BMPR1B: variants seen among roughly 807,000 people sequenced by gnomAD.
BMPR1B encodes the protein bone morphogenetic protein receptor type 1B, also known as bone morphogenetic protein receptor type-1B.
In BMPR1B, 12 loss-of-function variants were observed where a neutral mutation model predicts 59.1. The observed-to-expected ratio is 0.20, with a 90% CI of 0.13 to 0.33. The LOEUF is 0.33. Ranked by LOEUF, BMPR1B falls within the 10% of genes least tolerant of loss-of-function variation. The probability of loss-of-function intolerance (pLI) is 1.00; values close to 1 mark genes in which losing one functional copy is unlikely to be tolerated. For missense variants in BMPR1B, 550 were observed against 610.9 expected (o/e 0.90, Z 1.05); for synonymous variants, 237 against 207.3 (o/e 1.14, Z -1.23).
At chr4:94,834,377 T>G (rs1404871974) in intron 1 of BMPR1B, among the ~76,000 whole-genome samples, 1 of 152,228 alleles carries the variant, frequency 6.6e-6, no homozygotes, top group East Asian at 1.9e-4. Flanking sequence ...TCTCTTATAC[T>G]GTCCCATTTT....
At chr4:95,075,364 G>C (rs1208820387) in intron 3 of BMPR1B, among the ~76,000 whole-genome samples, 2 of 152,096 alleles carry the variant, frequency 1.3e-5, no homozygotes, top group Non-Finnish European at 1.5e-5. Context: ...AGTTAATAGT[G>C]AATCTATTGT....
chr4:94,881,695 A>G (rs546155012), intron 2 of BMPR1B, among the ~76,000 whole-genome samples: 45 of 151,952 alleles, frequency 3.0e-4, no homozygotes, highest in Admixed American at 2.4e-3. Flanking sequence ...CGGACTCCTG[A>G]CCTCGGTGAT....
intron 2 of BMPR1B, among the ~76,000 whole-genome samples, chr4:94,886,648 A>C (rs568191522): frequency 7.9e-5 from 12 of 152,222 alleles, no homozygotes; most frequent in Non-Finnish European, 1.5e-4. Context: ...ATATGAAATT[A>C]ATTTACCACT....
At chr4:94,763,011 T>C (rs912886448) in intron 1 of BMPR1B, among the ~76,000 whole-genome samples, 1 of 152,106 alleles carries the variant, frequency 6.6e-6, no homozygotes, top group Non-Finnish European at 1.5e-5. Flanking sequence ...ACCTCAAATA[T>C]CTCATGGGCT....
chr4:95,089,379 G>C (rs1729819869), intron 3 of BMPR1B, among the ~76,000 whole-genome samples: 1 of 151,910 alleles, frequency 6.6e-6, no homozygotes, highest in Non-Finnish European at 1.5e-5. Context: ...TAAAAGAGGA[G>C]GAAGGAAACA....
Position 95,152,209 on chromosome 4 carries a change from A to T in BMPR1B, c.1253-434A>T, listed in dbSNP as rs555111668. On this transcript the variant is annotated intron_variant, in intron 11 of 12. Transcript: ENST00000515059. ...AAATGTAAATCTGACATTTTGTTCA[A>T]GTAGGATACACTTCTGAATTTATTA... Among the ~76,000 whole-genome samples, 659 of 152,314 alleles carry T rather than the reference A, an allele frequency of 4.3e-3. 5 individuals carry two copies. The highest frequency in any genetic ancestry group is 0.015 in the African/African-American group (632 of 41,576).
intron 1 of BMPR1B, among the ~76,000 whole-genome samples, chr4:94,771,257 A>G (rs1393449092): frequency 6.6e-6 from 1 of 152,162 alleles, no homozygotes; most frequent in Non-Finnish European, 1.5e-5. Context: ...GAAGGATTTT[A>G]ATGCACAGTG....
intron 3 of BMPR1B, among the ~76,000 whole-genome samples, chr4:95,045,828 A>G (rs1202542867): frequency 1.3e-5 from 2 of 152,154 alleles, no homozygotes; most frequent in African/African-American, 2.4e-5. Flanking sequence ...TCTCACATCC[A>G]TTCAGTAGAC....
intron 2 of BMPR1B, among the ~76,000 whole-genome samples, chr4:94,949,084 A>G (rs1287010827): frequency 1.3e-5 from 2 of 152,134 alleles, no homozygotes; most frequent in African/African-American, 4.8e-5. Context: ...TCAACCCGCC[A>G]TCTACATTAG....
chr4:95,056,711 G>A (rs1726958960), intron 3 of BMPR1B, among the ~76,000 whole-genome samples: 1 of 152,172 alleles, frequency 6.6e-6, no homozygotes. Flanking sequence ...GCAAAGGTCT[G>A]ATATCAGCTG....
chr4:94,840,382 G>C (rs1480078139), intron 1 of BMPR1B, among the ~76,000 whole-genome samples: 1 of 148,078 alleles, frequency 6.8e-6, no homozygotes, highest in Non-Finnish European at 1.5e-5. Flanking sequence ...CATTCTCCGC[G>C]TCACTTTCAG....
chr4:95,059,066 T>TTGAG lies in BMPR1B; in HGVS notation c.-17-45337_-17-45334dup, dbSNP rs1445372778. ...ATTTATCCATGAAATAATGGCTGAT[T>TTGAG]TGAGTGAGGAAATGTGCACCAGCTC... On this transcript the variant is annotated intron_variant, in intron 3 of 12. Transcript: ENST00000515059. Among the ~76,000 whole-genome samples, 34 of 152,188 alleles carry TTGAG rather than the reference T, an allele frequency of 2.2e-4. 1 individual carries two copies. Among genetic ancestry groups the TTGAG allele is most frequent in the Admixed American group, 2.2e-3 (34 of 15,274 alleles).
At chr4:94,874,540 A>G (rs577336896) in intron 1 of BMPR1B, among the ~76,000 whole-genome samples, 37 of 152,186 alleles carry the variant, frequency 2.4e-4, no homozygotes, top group Non-Finnish European at 5.1e-4. Flanking sequence ...TCTAATTGTG[A>G]TTTATACATT....
intron 2 of BMPR1B, among the ~76,000 whole-genome samples, chr4:94,886,505 A>G (rs1462383951): frequency 4.6e-5 from 7 of 152,214 alleles, no homozygotes; most frequent in African/African-American, 1.7e-4. Context: ...ATATTATGCT[A>G]CAAAATTGTT....
intron 3 of BMPR1B, among the ~76,000 whole-genome samples, chr4:95,087,838 C>T (rs1167513217): frequency 6.6e-6 from 1 of 152,156 alleles, no homozygotes; most frequent in African/African-American, 2.4e-5. Flanking sequence ...ACCTTTTGCT[C>T]AGTGACAGAT....
chr4:95,098,235 CTATT>C (rs775702110), intron 3 of BMPR1B, among the ~76,000 whole-genome samples: 63 of 152,154 alleles, frequency 4.1e-4, no homozygotes, highest in Non-Finnish European at 7.4e-4. Flanking sequence ...GTCTTTTCTT[CTATT>C]TATTATTTCA....
At chr4:94,985,238 T>G (rs746495293) in intron 2 of BMPR1B, among the ~76,000 whole-genome samples, 2 of 151,916 alleles carry the variant, frequency 1.3e-5, no homozygotes, top group African/African-American at 2.4e-5. Context: ...TATAGAAGAT[T>G]GATGGAGGAG....
chr4:94,793,190 T>G lies in BMPR1B; in HGVS notation c.-183+35122T>G, dbSNP rs1435825912. 6.8e-5 allele frequency among the ~76,000 whole-genome samples: 10 copies of G among 146,066 alleles called. No individual in the cohort carries two copies. In the South Asian group the frequency reaches 2.0e-3, roughly 30 times the overall value. On this transcript the variant is annotated intron_variant, in intron 1 of 12. Transcript: ENST00000515059. The stretch of plus-strand genomic sequence containing the variant: ...CCCTTCCCCCACCCCACAACAGTCC[T>G]CAGAGTGTGATATTCCCCTTCCTGT...
intron 1 of BMPR1B, among the ~76,000 whole-genome samples, chr4:94,816,390 A>G (rs910688998): frequency 6.6e-6 from 1 of 151,802 alleles, no homozygotes; most frequent in African/African-American, 2.4e-5. Context: ...CTGGTCTCGA[A>G]CTCCTGACCT....
Sources: allele counts gnomAD v4.1 joint callset (sites outside exome capture counted in the v4.1 genomes callset), GRCh38; gene constraint gnomAD v4.1.1; transcripts MANE v1.5; gene names NCBI Gene and HGNC (gene_info 2026-07-23, HGNC 2026-07-21).